The following UGT1A8 variants were observed in gnomAD, a reference collection of about 807,000 sequenced individuals.
UGT1A8 encodes the protein UDP glucuronosyltransferase family 1 member A8.
In UGT1A8, 39 loss-of-function variants were observed where a neutral mutation model predicts 45.3. The ratio of observed to expected loss-of-function variants is 0.86; its 90% CI spans 0.67 to 1.12. The LOEUF is 1.12. UGT1A8 is among the 50% of genes most tolerant of loss of function. UGT1A8 has a pLI of 0.00. For synonymous variants in UGT1A8, 275 were observed against 249.2 expected (o/e 1.10, Z -0.97); for missense variants, 719 against 664.9 (o/e 1.08, Z -0.90).
intron 1 of UGT1A8, among the ~76,000 whole-genome samples, chr2:233,668,533 T>C (rs2074122260): frequency 6.6e-6 from 1 of 152,222 alleles, no homozygotes; most frequent in South Asian, 2.1e-4. Flanking sequence ...CATGTGTCTT[T>C]ATAGTACCAT....
intron 1 of UGT1A8, among the ~76,000 whole-genome samples, chr2:233,701,559 C>T (rs1345105589): frequency 1.3e-5 from 2 of 152,136 alleles, no homozygotes; most frequent in Admixed American, 6.5e-5. Context: ...CAGCACCACA[C>T]CACACCTACT....
intron 1 of UGT1A8, among the ~76,000 whole-genome samples, chr2:233,644,657 G>T (rs2073551943): frequency 1.3e-5 from 2 of 152,166 alleles, no homozygotes; most frequent in African/African-American, 4.8e-5. Flanking sequence ...TGCTCTAACA[G>T]AATAGCACTG....
intron 1 of UGT1A8, among the ~76,000 whole-genome samples, chr2:233,664,669 T>C (rs529719664): frequency 3.3e-5 from 5 of 152,232 alleles, no homozygotes; most frequent in South Asian, 2.1e-4. Flanking sequence ...TCACTGACTA[T>C]TGCAAGGACA....
chr2:233,630,858 T>A (rs1462501013), intron 1 of UGT1A8, among the ~76,000 whole-genome samples: 1 of 151,828 alleles, frequency 6.6e-6, no homozygotes. Context: ...TTTTATACTT[T>A]AAGTTCTAGG....
intron 1 of UGT1A8, among the ~76,000 whole-genome samples, chr2:233,642,192 G>A (rs1345064707): frequency 6.6e-6 from 1 of 152,018 alleles, no homozygotes; most frequent in Non-Finnish European, 1.5e-5. Context: ...ATGCTTCATT[G>A]TTGTTTATTC....
chr2:233,747,367 A>T (rs752238909), intron 1 of UGT1A8: 40 of 1,604,286 alleles, frequency 2.5e-5, no homozygotes, highest in Non-Finnish European at 3.4e-5. Context: ...CGGGAGCTCC[A>T]TGCCAGAGGC....
chr2:233,668,203 C>G (rs1175414388), intron 1 of UGT1A8, among the ~76,000 whole-genome samples: 1 of 152,142 alleles, frequency 6.6e-6, no homozygotes, highest in Non-Finnish European at 1.5e-5. Context: ...TATCCCTCCC[C>G]CATACCCCCA....
At chr2:233,665,297 C>G (rs1033277351) in intron 1 of UGT1A8, among the ~76,000 whole-genome samples, 19 of 152,124 alleles carry the variant, frequency 1.2e-4, no homozygotes, top group African/African-American at 4.6e-4. Context: ...AGGCATTTTC[C>G]AAATTTGTCT....
Position 233,730,035 on chromosome 2 carries a change from A to T in UGT1A8, c.856-36999A>T, listed in dbSNP as rs45599733. The T allele has an allele frequency of 1.0e-3, 1,658 of 1,613,028 alleles. 11 individuals are homozygous for T. In the African/African-American group the frequency reaches 0.02, roughly 19 times the overall value. ...TCATCCAATCAATGTTCCAGGCAAA[A>T]CACTTTTTAAAAAAATGTATTTATT... is the stretch of plus-strand genomic sequence containing the variant. On this transcript the variant is annotated intron_variant, in intron 1 of 4. Transcript: ENST00000373450.
At chr2:233,652,698 G>T (rs568940261) in intron 1 of UGT1A8, among the ~76,000 whole-genome samples, 2 of 152,320 alleles carry the variant, frequency 1.3e-5, no homozygotes, top group African/African-American at 4.8e-5. Flanking sequence ...TTTTACTGTG[G>T]TGCCAAGACT....
chr2:233,684,090 G>A (rs572506430), intron 1 of UGT1A8, among the ~76,000 whole-genome samples: 9 of 152,276 alleles, frequency 5.9e-5, no homozygotes, highest in African/African-American at 2.2e-4. Flanking sequence ...TAGGGATGGA[G>A]TATACATTTT....
intron 1 of UGT1A8, among the ~76,000 whole-genome samples, chr2:233,704,329 A>G (rs1314519852): frequency 2.4e-5 from 3 of 126,880 alleles, no homozygotes; most frequent in Non-Finnish European, 4.8e-5. Context: ...TTTTCTTTCC[A>G]CTATTTAAAA....
At chr2:233,677,182 C>A (rs1451476805) in intron 1 of UGT1A8, among the ~76,000 whole-genome samples, 1 of 152,104 alleles carries the variant, frequency 6.6e-6, no homozygotes, top group Non-Finnish European at 1.5e-5. Context: ...ATTAACATAT[C>A]TTTTTATTTA....
intron 1 of UGT1A8, among the ~76,000 whole-genome samples, chr2:233,764,153 T>C (rs1331955474): frequency 6.6e-6 from 1 of 152,218 alleles, no homozygotes; most frequent in Non-Finnish European, 1.5e-5. Context: ...TTTTGGCTGG[T>C]GAAGTCTCAT....
At chr2:233,724,376 G>A (rs1373227000) in intron 1 of UGT1A8, among the ~76,000 whole-genome samples, 85 of 127,694 alleles carry the variant, frequency 6.7e-4, no homozygotes, top group East Asian at 1.3e-3. Flanking sequence ...GGTGGCTGCC[G>A]GGCGGAGACG....
intron 1 of UGT1A8, chr2:233,747,987 G>A: frequency 6.2e-7 from 1 of 1,613,454 alleles, no homozygotes; most frequent in Non-Finnish European, 8.5e-7. Context: ...GCTGTTCCGA[G>A]GGGACTTTGT....
chr2:233,666,235 G>A (rs761345143), intron 1 of UGT1A8, among the ~76,000 whole-genome samples: 19 of 152,164 alleles, frequency 1.2e-4, no homozygotes, highest in Non-Finnish European at 2.2e-4. Flanking sequence ...TCATTACTGG[G>A]AGGGGGCACT....
intron 1 of UGT1A8, among the ~76,000 whole-genome samples, chr2:233,634,316 G>A (rs1447979297): frequency 6.6e-6 from 1 of 152,074 alleles, no homozygotes; most frequent in African/African-American, 2.4e-5. Flanking sequence ...CTATACATGT[G>A]TATTAGGTTT....
chr2:233,768,399 G>A lies in UGT1A8; in HGVS notation c.1255G>A (p.Asp419Asn). ...TLNVLEMTSE[D>N]LENALKAVIN... ...GAATGTTCTGGAAATGACTTCTGAA[G>A]ATTTAGAAAATGCTCTAAAAGCAGT... Residue 419 changes from aspartate to asparagine, a missense_variant, in exon 4 of 5, where the codon GAT (aspartate) becomes AAT (asparagine). Physicochemically the swap from Asp to Asn is conservative, Grantham distance 23 (BLOSUM62 1). Coordinates refer to ENST00000373450, the MANE Select transcript of UGT1A8 (RefSeq NM_019076.5). 2 of 1,614,194 alleles carry A rather than the reference G, an allele frequency of 1.2e-6. No individual in the cohort carries two copies. Among genetic ancestry groups the A allele is most frequent in the African/African-American group, 2.7e-5 (2 of 75,034 alleles).
Sources: gnomAD v4.1 joint callset for allele counts (sites outside exome capture counted in the v4.1 genomes callset) on GRCh38, gnomAD v4.1.1 for gene constraint, MANE v1.5 for transcripts, NCBI Gene and HGNC (gene_info 2026-07-23, HGNC 2026-07-21) for gene names.